Variants in ASAP2 observed in about 807,000 individuals in gnomAD.
The protein encoded by ASAP2 is ArfGAP with SH3 domain, ankyrin repeat and PH domain 2.
In ASAP2, 45 loss-of-function variants were observed where a neutral mutation model predicts 131.4. The ratio of observed to expected loss-of-function variants is 0.34; its 90% CI spans 0.27 to 0.44. ASAP2 has a LOEUF of 0.44. Among genes scored for constraint, ASAP2 ranks in the 20% least tolerant of loss-of-function variants. The pLI is 1.00. For missense variants in ASAP2, 1,011 were observed against 1,297.0 expected, an observed-to-expected ratio of 0.78 and a Z score of 3.39; for synonymous variants, 510 against 503.0, an observed-to-expected ratio of 1.01 and a Z score of -0.19.
At position 9,397,515 on chromosome 2, in the gene ASAP2, C is replaced by T. The variant is rs544931415; in HGVS notation, c.2685-2508C>T. Among the ~76,000 whole-genome samples the T allele has an allele frequency of 2.7e-4, 41 of 151,942 alleles. 1 individual carries two copies. The highest frequency in any genetic ancestry group is 7.7e-4 in the African/African-American group (32 of 41,384). ...GACTGTAAAGGAACACACCGGTACG[C>T]CCTCCTTGTGAAGGATGCTATCCCT... On this transcript the variant is annotated intron_variant, in intron 24 of 27. Coordinates refer to ENST00000281419, the MANE Select transcript of ASAP2 (RefSeq NM_003887.3).
In ASAP2 at chr2:9,217,627, T is replaced by G. The variant is rs571394388; in HGVS notation, c.126+10397T>G. Among the ~76,000 whole-genome samples, 195 of 151,946 alleles carry G rather than the reference T, an allele frequency of 1.3e-3. No individual in the cohort carries two copies. Among genetic ancestry groups the G allele is most frequent in the Non-Finnish European group, 1.8e-3 (121 of 67,898 alleles). ...GGTATGTTTTTGTTTTTTGTTTTTTTTTTTGAGACGGAGTCTTCGCTCTGC... is the reference window on the plus strand; with the variant it reads ...GGTATGTTTTTGTTTTTTGTTTTTTGTTTTGAGACGGAGTCTTCGCTCTGC... On this transcript the variant is annotated intron_variant, in intron 1 of 27. Coordinates refer to ENST00000281419, the MANE Select transcript of ASAP2 (RefSeq NM_003887.3). The surrounding 1 kb of genome is among the most constrained non-coding windows in gnomAD (Gnocchi z 4.0).
At chr2:9,343,453 T>G (rs575916585) in intron 9 of ASAP2, among the ~76,000 whole-genome samples, 2 of 152,138 alleles carry the variant, frequency 1.3e-5, no homozygotes, top group South Asian at 4.2e-4. Context: ...TTTGTTTGGT[T>G]TTTGTTTTTT....
chr2:9,337,707 T>A (rs1387563914), intron 9 of ASAP2, among the ~76,000 whole-genome samples: 1 of 152,194 alleles, frequency 6.6e-6, no homozygotes, highest in Non-Finnish European at 1.5e-5. Flanking sequence ...TGCTGCTGTT[T>A]CCTTGTGACC....
intron 3 of ASAP2, among the ~76,000 whole-genome samples, chr2:9,316,980 C>T (rs947588481): frequency 2.4e-4 from 36 of 148,422 alleles, no homozygotes; most frequent in African/African-American, 8.7e-4. Context: ...GTCACACCCT[C>T]TCATGTCCAC....
chr2:9,292,789 T>C (rs999898390), intron 2 of ASAP2, among the ~76,000 whole-genome samples: 2 of 152,212 alleles, frequency 1.3e-5, no homozygotes, highest in Non-Finnish European at 1.5e-5. Context: ...CATGAGCATA[T>C]GTGTCCTTGT....
At chr2:9,384,672 G>T (rs1675121583) in intron 20 of ASAP2, among the ~76,000 whole-genome samples, 1 of 152,262 alleles carries the variant, frequency 6.6e-6, no homozygotes. Context: ...AGATAGAGAG[G>T]TGCGTAGGGC....
intron 15 of ASAP2, among the ~76,000 whole-genome samples, chr2:9,359,258 G>T (rs967798517): frequency 1.3e-5 from 2 of 152,202 alleles, no homozygotes; most frequent in African/African-American, 4.8e-5. Flanking sequence ...TATCACCAGC[G>T]ATTTCTGACA....
intron 3 of ASAP2, among the ~76,000 whole-genome samples, chr2:9,298,606 T>C (rs1311373096): frequency 1.3e-5 from 2 of 152,200 alleles, no homozygotes; most frequent in Non-Finnish European, 2.9e-5. Flanking sequence ...CTCAGCCCCA[T>C]GCCCTGGACA....
At chr2:9,347,182 C>A (rs894435014) in intron 11 of ASAP2, among the ~76,000 whole-genome samples, 1 of 152,186 alleles carries the variant, frequency 6.6e-6, no homozygotes, top group Non-Finnish European at 1.5e-5. Context: ...AGTTTTCCAG[C>A]CCTCCGTTCA....
chr2:9,251,938 A>AT lies in ASAP2; in HGVS notation c.127-27367dup, dbSNP rs550467346. On this transcript the variant is annotated intron_variant, in intron 1 of 27. Transcript: ENST00000281419. ...CATTGCTTTTTTTTTTCTTTCCTTAATTTTTTTTTTTTAATTATCATCTGT... is the reference window on the plus strand; with the variant it reads ...CATTGCTTTTTTTTTTCTTTCCTTAATTTTTTTTTTTTTAATTATCATCTGT... Among the ~76,000 whole-genome samples the AT allele has an allele frequency of 2.9e-3, 424 of 147,706 alleles. 1 individual carries two copies. The highest frequency in any genetic ancestry group is 8.8e-3 in the African/African-American group (356 of 40,392).
At chr2:9,377,080 G>A (rs1674460074) in intron 18 of ASAP2, 87 bp downstream of exon 18, 5 of 1,184,234 alleles carry the variant, frequency 4.2e-6, no homozygotes, top group African/African-American at 1.5e-5. Flanking sequence ...CGCTTCTGAT[G>A]TGTTGTCAGG....
At chr2:9,369,122 G>A (rs1364693245) in intron 16 of ASAP2, among the ~76,000 whole-genome samples, 4 of 151,732 alleles carry the variant, frequency 2.6e-5, no homozygotes, top group African/African-American at 4.8e-5. Flanking sequence ...AGGTTCAAGC[G>A]ATTCTTCTGC....
At chr2:9,400,498 G>A (rs1486504077) in intron 25 of ASAP2, among the ~76,000 whole-genome samples, 2 of 149,224 alleles carry the variant, frequency 1.3e-5, no homozygotes, top group African/African-American at 2.5e-5. Context: ...CTGCTCCTGA[G>A]CAGCTCAGTC....
Position 9,358,567 on chromosome 2 carries a change from G to A in ASAP2, c.1328-189G>A, listed in dbSNP as rs547244567. ...GGAGAGAGAGGGAAGAAGAGGGAGAGTAGATGTGTGCATATTTGGGTATTG... is the reference window on the plus strand; with the variant it reads ...GGAGAGAGAGGGAAGAAGAGGGAGAATAGATGTGTGCATATTTGGGTATTG... On this transcript the variant is annotated intron_variant, in intron 14 of 27. Coordinates refer to ENST00000281419, the MANE Select transcript of ASAP2 (RefSeq NM_003887.3). 1.2e-4 allele frequency among the ~76,000 whole-genome samples: 18 copies of A among 152,296 alleles called. No homozygotes were observed. The South Asian group carries it at 3.5e-3, about 30-fold the overall frequency.
chr2:9,263,241 C>T (rs1665704284), intron 1 of ASAP2, among the ~76,000 whole-genome samples: 1 of 152,186 alleles, frequency 6.6e-6, no homozygotes, highest in African/African-American at 2.4e-5. Context: ...TTTTCTACCT[C>T]GAGTCTGCTC....
chr2:9,337,906 G>T (rs1330104763), intron 9 of ASAP2, among the ~76,000 whole-genome samples: 1 of 152,194 alleles, frequency 6.6e-6, no homozygotes, highest in Admixed American at 6.5e-5. Flanking sequence ...GAAAAATTGT[G>T]CAGTGACCAC....
intron 17 of ASAP2, among the ~76,000 whole-genome samples, chr2:9,375,232 G>A (rs1031295270): frequency 1.9e-4 from 29 of 151,964 alleles, no homozygotes; most frequent in African/African-American, 6.5e-4. Context: ...CCAGTGAGCC[G>A]TGATTGTGCC....
At chr2:9,263,354 G>A (rs749438448) in intron 1 of ASAP2, among the ~76,000 whole-genome samples, 5 of 152,222 alleles carry the variant, frequency 3.3e-5, no homozygotes, top group East Asian at 1.9e-4. Context: ...AGGGCACCAG[G>A]CTGGCTGGGG....
intron 1 of ASAP2, among the ~76,000 whole-genome samples, chr2:9,257,153 C>T (rs953457821): frequency 1.3e-5 from 2 of 152,192 alleles, no homozygotes; most frequent in South Asian, 2.1e-4. Context: ...TTACACGTGT[C>T]GGGCATTCCA....
Sources: allele counts gnomAD v4.1 joint callset (sites outside exome capture counted in the v4.1 genomes callset), GRCh38; gene constraint gnomAD v4.1.1; non-coding constraint Gnocchi (gnomAD v3.1); transcripts MANE v1.5; gene names NCBI Gene and HGNC (gene_info 2026-07-23, HGNC 2026-07-21).